ATM: variants seen among roughly 807,000 people sequenced by gnomAD.
The protein encoded by ATM is serine-protein kinase ATM.
A neutral mutation model predicts 387.0 loss-of-function variants in ATM; 308 were observed. The observed-to-expected ratio is 0.80, with a 90% CI of 0.73 to 0.87. The LOEUF is 0.87. Ranked by LOEUF, ATM falls within the 40% of genes least tolerant of loss-of-function variation. The pLI is 0.00. For missense variants in ATM, 3,312 were observed against 3,560.9 expected, an observed-to-expected ratio of 0.93 and a Z score of 1.78; for synonymous variants, 1,156 against 1,187.3, an observed-to-expected ratio of 0.97 and a Z score of 0.54.
At chr11:108,327,786 T>C (rs780532555) in intron 48 of ATM, 28 bp downstream of exon 48, 3 of 1,494,198 alleles carry the variant, frequency 2.0e-6, no homozygotes, top group Non-Finnish European at 9.3e-7. Flanking sequence ...ACCCTTAAGA[T>C]AGTTACTTAG....
intron 20 of ATM, 107 bp downstream of exon 20, chr11:108,271,513 A>G (rs2081583493): frequency 7.8e-7 from 1 of 1,287,242 alleles, no homozygotes; most frequent in Admixed American, 1.7e-5. Context: ...CTACATAGCT[A>G]ATACATCTTT....
intron 3 of ATM, among the ~76,000 whole-genome samples, chr11:108,228,417 T>A (rs2078849461): frequency 6.6e-6 from 1 of 152,232 alleles, no homozygotes; most frequent in South Asian, 2.1e-4. Flanking sequence ...GACATCATTT[T>A]CAACCGTGAA....
At chr11:108,362,216 C>T (rs565553430) in intron 61 of ATM, among the ~76,000 whole-genome samples, 1,765 of 147,198 alleles carry the variant, frequency 0.012, 41 homozygotes, top group African/African-American at 0.041. Flanking sequence ...CATCACTGGC[C>T]ATCAGAGAAA....
intron 16 of ATM, among the ~76,000 whole-genome samples, chr11:108,263,982 A>G (rs1438007203): frequency 6.7e-6 from 1 of 149,042 alleles, no homozygotes; most frequent in East Asian, 1.9e-4. Context: ...AATTGTGGCA[A>G]TAATCAATAG....
chr11:108,283,951 G>GT (rs1256717806), intron 25 of ATM, among the ~76,000 whole-genome samples: 1 of 151,904 alleles, frequency 6.6e-6, no homozygotes, highest in African/African-American at 2.4e-5. Context: ...TTATTGTTTT[G>GT]TTTTTTCTTT....
intron 1 of ATM, 33 bp downstream of exon 1, chr11:108,223,219 C>T (rs1452185678): frequency 3.1e-5 from 5 of 162,364 alleles, no homozygotes; most frequent in Non-Finnish European, 6.8e-5. Context: ...GCGGCTTCTG[C>T]GCTGGGAAAT....
chr11:108,336,331 T>A (rs2086850175), intron 56 of ATM: 2 of 185,918 alleles, frequency 1.1e-5, no homozygotes, highest in Admixed American at 5.5e-5. Context: ...AAGAAGAAGA[T>A]GCCATTATTT....
At chr11:108,337,449 A>G (rs78689541) in intron 56 of ATM, among the ~76,000 whole-genome samples, 1,957 of 152,360 alleles carry the variant, frequency 0.013, 52 homozygotes, top group African/African-American at 0.044. Flanking sequence ...CTCAAGCTTT[A>G]GCAGACATCA....
chr11:108,365,886 G>C lies in ATM; in HGVS notation c.*378G>C, dbSNP rs1014120290. 4.8e-6 allele frequency: 1 copy of C among 210,308 alleles called. No homozygotes were observed. The highest frequency in any genetic ancestry group is 2.3e-5 in the African/African-American group (1 of 42,758). 13.0% of individuals were successfully genotyped at this position (210,308 alleles called of 1,614,324 possible). A position where few individuals can be genotyped will look rare whatever the true frequency, so the allele number is the denominator to read the frequency against. ...TCTACTAAAAATACAAAAATTAGCC[G>C]AGCATGGTGGCGGGCACCTGTAATC... On this transcript the variant is annotated 3_prime_UTR_variant, in exon 63 of 63. Coordinates refer to ENST00000675843, the MANE Select transcript of ATM (RefSeq NM_000051.4).
At chr11:108,268,965 T>G (rs2081419981) in intron 18 of ATM, among the ~76,000 whole-genome samples, 1 of 152,210 alleles carries the variant, frequency 6.6e-6, no homozygotes, top group Non-Finnish European at 1.5e-5. Context: ...TATTTTCAGT[T>G]TTTTGGATTT....
intron 2 of ATM, 32 bp from the exon 3 acceptor site, chr11:108,227,744 G>C (rs762943692): frequency 6.2e-7 from 1 of 1,611,334 alleles, no homozygotes; most frequent in South Asian, 1.1e-5. Context: ...AGTGTGATTA[G>C]TAACCCATTA....
At chr11:108,326,767 G>GTCTACA (rs1473153405) in intron 47 of ATM, among the ~76,000 whole-genome samples, 1 of 152,168 alleles carries the variant, frequency 6.6e-6, no homozygotes, top group African/African-American at 2.4e-5. Context: ...TGTCTACAGT[G>GTCTACA]GTGTCCCACA....
chr11:108,277,729 C>T (rs541297855), intron 22 of ATM, among the ~76,000 whole-genome samples: 1 of 152,306 alleles, frequency 6.6e-6, no homozygotes, highest in South Asian at 2.1e-4. Context: ...TAACCAGTCC[C>T]AATGAGATGA....
chr11:108,274,694 A>C (rs1483331693), intron 22 of ATM, among the ~76,000 whole-genome samples: 1 of 152,176 alleles, frequency 6.6e-6, no homozygotes, highest in East Asian at 1.9e-4. Flanking sequence ...TGAGTTTCTT[A>C]ATCCTCAGTT....
In ATM at chr11:108,331,892, T is replaced by G; in HGVS notation, c.7643T>G (p.Ile2548Ser). The G allele has an allele frequency of 1.2e-6, 2 of 1,613,562 alleles. No individual in the cohort carries two copies. Among genetic ancestry groups the G allele is most frequent in the Non-Finnish European group, 1.7e-6 (2 of 1,179,552 alleles). Residue 2548 changes from isoleucine (I) to serine (S), a missense_variant, in exon 52 of 63, where the codon ATT becomes AGT. This residue lies in a region of ATM where 1,405 missense variants were observed against 1,604.4 expected (regional missense o/e 0.88). Coordinates refer to ENST00000675843, the MANE Select transcript of ATM (RefSeq NM_000051.4). ...HEVLNNLISR[I>S]SMDHPHHTLF... The stretch of plus-strand genomic sequence containing the variant: ...CTTTTCTTACAGCTAATCTCTAGAA[T>G]TTCAATGGATCACCCCCATCACACT...
chr11:108,307,865 T>A, intron 37 of ATM, 32 bp from the exon 38 acceptor site: 1 of 1,563,188 alleles, frequency 6.4e-7, no homozygotes, highest in Non-Finnish European at 8.8e-7. Context: ...CAAGAATGCC[T>A]GGGACTGAGG....
At chr11:108,277,385 C>T (rs575625969) in intron 22 of ATM, among the ~76,000 whole-genome samples, 6 of 152,238 alleles carry the variant, frequency 3.9e-5, no homozygotes, top group South Asian at 2.1e-4. Context: ...GGGTCCGTCT[C>T]GCTGGCGTTC....
chr11:108,331,212 T>C (rs2086200356), intron 50 of ATM: 2 of 1,221,452 alleles, frequency 1.6e-6, no homozygotes, highest in South Asian at 4.3e-5. Context: ...TAGTTCTGAA[T>C]CCAGTTTAAT....
chr11:108,278,655 G>A (rs1203333364), intron 22 of ATM, among the ~76,000 whole-genome samples: 1 of 152,138 alleles, frequency 6.6e-6, no homozygotes, highest in Non-Finnish European at 1.5e-5. Context: ...ATCACATGGT[G>A]AGAGAGGAAG....
Sources: gnomAD v4.1 joint callset for allele counts (sites outside exome capture counted in the v4.1 genomes callset) on GRCh38, gnomAD v4.1.1 for gene constraint, gnomAD v4.1.1 regional missense constraint, MANE v1.5 for transcripts, NCBI Gene and HGNC (gene_info 2026-07-23, HGNC 2026-07-21) for gene names.